The following PRSS37 variants were observed in gnomAD, a reference collection of about 807,000 sequenced individuals.
The protein encoded by PRSS37 is probable inactive serine protease 37.
A neutral mutation model predicts 28.0 loss-of-function variants in PRSS37; 25 were observed. The observed-to-expected ratio is 0.89, with a 90% CI of 0.65 to 1.25. The LOEUF is 1.25. Ranked by LOEUF, PRSS37 falls within the 50% of genes most tolerant of loss-of-function variation. The probability of loss-of-function intolerance (pLI) is 0.00; values close to 1 mark genes in which losing one functional copy is unlikely to be tolerated. For missense variants in PRSS37, 282 were observed against 292.2 expected (o/e 0.97, Z 0.25); for synonymous variants, 109 against 107.8 (o/e 1.01, Z -0.07).
chr7:141,836,487 C>A lies in PRSS37; in HGVS notation c.616G>T (p.Glu206Ter). Residue 206 changes from glutamate to a stop codon, truncating the protein, a stop_gained, in exon 5 of 5, where the codon GAG (glutamate) becomes TAG (stop). Coordinates refer to ENST00000350549, the MANE Select transcript of PRSS37 (RefSeq NM_001008270.3). LOFTEE classifies it high-confidence loss of function. Reference sequence around the variant, plus strand: ...TCCCCTCCCATGAAGTGCCCCACCTCGATTCCCTGGAGCTTGTCTTTGCAG... The same window carrying A: ...TCCCCTCCCATGAAGTGCCCCACCTAGATTCCCTGGAGCTTGTCTTTGCAG... ...VICKDKLQGI[E>*]VGHFMGGDVG... 1 of 1,614,092 alleles carries A rather than the reference C, an allele frequency of 6.2e-7. No homozygotes were observed. Among genetic ancestry groups the A allele is most frequent in the South Asian group, 1.1e-5 (1 of 91,078 alleles).
Position 141,836,506 on chromosome 7 carries a change from T to G in PRSS37, c.597A>C (p.Lys199Asn), listed in dbSNP as rs1800960688. 6.2e-7 allele frequency: 1 copy of G among 1,614,030 alleles called. No individual in the cohort carries two copies. Among genetic ancestry groups the G allele is most frequent in the Admixed American group, 1.7e-5 (1 of 60,000 alleles). The stretch of plus-strand genomic sequence containing the variant: ...CCACCTCGATTCCCTGGAGCTTGTC[T>G]TTGCAGATGACAGTAGCAACGGCCA... ...GEVAVATVIC[K>N]DKLQGIEVGH... Residue 199 changes from lysine (K) to asparagine (N), a missense_variant, in exon 5 of 5, where the codon AAA (lysine) becomes AAC (asparagine). Coordinates refer to ENST00000350549, the MANE Select transcript of PRSS37 (RefSeq NM_001008270.3).
chr7:141,836,762 A>C (rs960645924), intron 4 of PRSS37, among the ~76,000 whole-genome samples: 1 of 152,208 alleles, frequency 6.6e-6, no homozygotes, highest in African/African-American at 2.4e-5. Flanking sequence ...TCTAGAAATC[A>C]CATGTAAAAT....
intron 3 of PRSS37, chr7:141,837,497 T>G (rs3823668): frequency 0.17 from 220,379 of 1,305,672 alleles, 19,403 homozygotes; most frequent in East Asian, 0.25. Context: ...CTAAATGACC[T>G]GAGGCAATTC....
rs761499066 is a variant in PRSS37, at chr7:141,837,937, AG to A, written c.352del (p.Thr119ProfsTer39). ...CCTGACATTGGTGGTGGCGAGGGTA[AG>A]GGGCTGGACTTTGGGATTGAGCATG... is the stretch of plus-strand genomic sequence containing the variant. ...PAMLNPKVQPLTLATTNVRPG... is the reference protein window; with the variant it reads ...PAMLNPKVQPXTLATTNVRPG... On this transcript the variant is annotated frameshift_variant, in exon 3 of 5. Transcript: ENST00000350549. LOFTEE classifies it high-confidence loss of function. The A allele has an allele frequency of 7.4e-6, 12 of 1,614,122 alleles. No homozygotes were observed. The highest frequency in any genetic ancestry group is 1.0e-5 in the Non-Finnish European group (12 of 1,180,010).
At chr7:141,839,012 T>TA (rs36029840) in intron 2 of PRSS37, 18,863 of 452,426 alleles carry the variant, frequency 0.042, 37 homozygotes, top group South Asian at 0.089. Context: ...ATACTGCCAG[T>TA]AAAAAAAAAA....
chr7:141,837,430 G>A, intron 3 of PRSS37, 182 bp from the exon 4 acceptor site: 1 of 1,064,846 alleles, frequency 9.4e-7, no homozygotes, highest in African/African-American at 1.6e-5. Flanking sequence ...TTTTGAAAAA[G>A]GCTTTACGTC....
rs1801141276 is a variant in PRSS37, at chr7:141,841,219, T to C, written c.-170A>G. ...TCTGGGCATAAACAGGGGAGGGAGATGGCTTCAGAGAGACAGATGAAAGCC... is the reference window on the plus strand; with the variant it reads ...TCTGGGCATAAACAGGGGAGGGAGACGGCTTCAGAGAGACAGATGAAAGCC... On this transcript the variant is annotated 5_prime_UTR_variant, in exon 1 of 5. Coordinates refer to ENST00000350549, the MANE Select transcript of PRSS37 (RefSeq NM_001008270.3). 1 of 1,418,930 alleles carries C rather than the reference T, an allele frequency of 7.0e-7. No individual in the cohort carries two copies. The allele number at this position is 1,418,930 out of a possible 1,614,324, so 87.9% of individuals were successfully genotyped here.
chr7:141,836,375 G>A lies in PRSS37; in HGVS notation c.*20C>T. ...TAGTCCATGGCAGAGCCAGTGGAAT[G>A]CAGAGGGAGAAGTAGGGTCTCACTT... is the stretch of plus-strand genomic sequence containing the variant. On this transcript the variant is annotated 3_prime_UTR_variant, in exon 5 of 5. Coordinates refer to ENST00000350549, the MANE Select transcript of PRSS37 (RefSeq NM_001008270.3). 3 of 1,612,664 alleles carry A rather than the reference G, an allele frequency of 1.9e-6. No individual in the cohort carries two copies. Among genetic ancestry groups the A allele is most frequent in the Non-Finnish European group, 2.5e-6 (3 of 1,178,788 alleles).
Position 141,837,106 on chromosome 7 carries a change from G to A in PRSS37, c.567+6C>T. On this transcript the variant is annotated splice_donor_region_variant and intron_variant, in intron 4 of 4. Coordinates refer to ENST00000350549, the MANE Select transcript of PRSS37 (RefSeq NM_001008270.3). ...AAATGAAAGCTGAATATAGAGATAA[G>A]ATTACCCCAAAAATTCGGCTGAATA... 1 of 1,611,590 alleles carries A rather than the reference G, an allele frequency of 6.2e-7. No homozygotes were observed. The highest frequency in any genetic ancestry group is 8.5e-7 in the Non-Finnish European group (1 of 1,179,044).
At chr7:141,838,915 T>G in intron 2 of PRSS37, 5 of 448,450 alleles carry the variant, frequency 1.1e-5, no homozygotes, top group South Asian at 8.0e-5. Flanking sequence ...CCTTTGCAAT[T>G]GGTTCCTTCT....
At position 141,836,408 on chromosome 7, in the gene PRSS37, G is replaced by T; in HGVS notation, c.695C>A (p.Ala232Asp). ...YKYVSWIENT[A>D]KDK ...AGAAGTAGGGTCTCACTTGTCCTTA[G>T]CAGTGTTCTCAATCCAGGATACATA... is the stretch of plus-strand genomic sequence containing the variant. Residue 232 changes from alanine (A) to aspartate (D), a missense_variant, in exon 5 of 5, where the codon GCT becomes GAT. Physicochemically the swap from Ala to Asp is moderately radical, Grantham distance 126. Transcript: ENST00000350549. 1.2e-6 allele frequency: 2 copies of T among 1,614,160 alleles called. No homozygotes were observed. Among genetic ancestry groups the T allele is most frequent in the Non-Finnish European group, 1.7e-6 (2 of 1,179,998 alleles).
intron 1 of PRSS37, among the ~76,000 whole-genome samples, chr7:141,840,151 T>C (rs1272964195): frequency 6.6e-6 from 1 of 152,222 alleles, no homozygotes; most frequent in Admixed American, 6.5e-5. Flanking sequence ...AGTGTTAGCA[T>C]GTGTTGACTA....
In PRSS37 at chr7:141,839,390, C is replaced by G. The variant is rs1165530240; in HGVS notation, c.124G>C (p.Gly42Arg). 1 of 1,613,674 alleles carries G rather than the reference C, an allele frequency of 6.2e-7. No homozygotes were observed. The highest frequency in any genetic ancestry group is 1.3e-5 in the African/African-American group (1 of 74,870). Residue 42 changes from glycine (G) to arginine (R), a missense_variant, in exon 2 of 5, where the codon GGC becomes CGC. Transcript: ENST00000350549. ...ACCCAGCTGGGTTTGATGAGGACGC[C>G]CACACAGGGGTTGAAGTGAGACTTG... Reference protein sequence around the residue: ...YLKSHFNPCVGVLIKPSWVLA... With the variant: ...YLKSHFNPCVRVLIKPSWVLA...
At chr7:141,838,626 A>G (rs1301952025) in intron 2 of PRSS37, 1 of 258,362 alleles carries the variant, frequency 3.9e-6, no homozygotes, top group African/African-American at 2.3e-5. Context: ...AAGCACCAGA[A>G]AGTAACTGGA....
chr7:141,836,697 C>G (rs1800970285), intron 4 of PRSS37, among the ~76,000 whole-genome samples, 162 bp from the exon 5 acceptor site: 1 of 152,194 alleles, frequency 6.6e-6, no homozygotes, highest in South Asian at 2.1e-4. Flanking sequence ...AGCCTTTTTT[C>G]TCATTTTGCT....
Position 141,841,353 on chromosome 7 carries a change from G to T in PRSS37, c.-304C>A. The T allele has an allele frequency of 2.6e-6, 1 of 379,016 alleles. No individual in the cohort carries two copies. The highest frequency in any genetic ancestry group is 4.9e-6 in the Non-Finnish European group (1 of 203,050). The allele number at this position is 379,016 out of a possible 1,614,324, so 23.5% of individuals were successfully genotyped here. A position where few individuals can be genotyped will look rare whatever the true frequency, so the allele number is the denominator to read the frequency against. On this transcript the variant is annotated 5_prime_UTR_variant, in exon 1 of 5. Transcript: ENST00000350549. ...GCTGCCCCTAAAAACACATCTGTTT[G>T]AAGGTAGTTCAGTTGTCTGTGGAAA...
At chr7:141,839,179 C>A (rs1801076115) in intron 2 of PRSS37, among the ~76,000 whole-genome samples, 159 bp downstream of exon 2, 1 of 152,134 alleles carries the variant, frequency 6.6e-6, no homozygotes, top group African/African-American at 2.4e-5. Flanking sequence ...CTAGCCTCTC[C>A]CCATTAGATG....
Position 141,837,118 on chromosome 7 carries a change from A to C in PRSS37, c.561T>G (p.Ile187Met), listed in dbSNP as rs972047747. 1 of 1,612,284 alleles carries C rather than the reference A, an allele frequency of 6.2e-7. No homozygotes were observed. The highest frequency in any genetic ancestry group is 1.3e-5 in the African/African-American group (1 of 74,822). The change falls in exon 4 of 5, where the codon ATT becomes ATG. Residue 187 changes from isoleucine to methionine, a missense_variant. Transcript: ENST00000350549. ...AATATAGAGATAAGATTACCCCAAA[A>C]ATTCGGCTGAATACTTTCACAAATT... ...CVKFVKVFSR[I>M]FGEVAVATVI...
Position 141,838,137 on chromosome 7 carries a change from A to C in PRSS37, c.177-24T>G, listed in dbSNP as rs573504732. 66 of 1,546,922 alleles carry C rather than the reference A, an allele frequency of 4.3e-5. 1 individual carries two copies. The African/African-American group carries it at 7.9e-4, about 19-fold the overall frequency. ...TTCTGGAGGGAGAGGGGTTGGAAGT[A>C]ATCATCATCATCATCATCATCATTG... is the stretch of plus-strand genomic sequence containing the variant. On this transcript the variant is annotated intron_variant, in intron 2 of 4. Transcript: ENST00000350549.
Sources: gnomAD v4.1 joint callset for allele counts (sites outside exome capture counted in the v4.1 genomes callset) on GRCh38, gnomAD v4.1.1 for gene constraint, MANE v1.5 for transcripts, NCBI Gene and HGNC (gene_info 2026-07-23, HGNC 2026-07-21) for gene names.